Variants in TMEM117 observed in about 807,000 individuals in gnomAD.
TMEM117 encodes transmembrane protein 117.
A neutral mutation model predicts 52.4 loss-of-function variants in TMEM117; 27 were observed. The observed-to-expected ratio is 0.51, with a 90% CI of 0.38 to 0.71. The LOEUF (loss-of-function observed/expected upper bound fraction) is 0.71, where lower values mean the gene tolerates loss of function less well. Among genes scored for constraint, TMEM117 ranks in the 30% least tolerant of loss-of-function variants. The pLI is 0.00. For missense variants in TMEM117, 556 were observed against 630.5 expected, an observed-to-expected ratio of 0.88 and a Z score of 1.26; for synonymous variants, 215 against 206.3, an observed-to-expected ratio of 1.04 and a Z score of -0.36.
chr12:44,083,457 A>C (rs887315910), intron 3 of TMEM117: 1 of 137,800 alleles, frequency 7.3e-6, no homozygotes, highest in South Asian at 2.3e-4. Flanking sequence ...ACTGGAGTGC[A>C]GTAGTGGGAT....
At chr12:43,918,994 T>G (rs1017310346) in intron 2 of TMEM117, among the ~76,000 whole-genome samples, 3 of 152,212 alleles carry the variant, frequency 2.0e-5, no homozygotes, top group Non-Finnish European at 4.4e-5. Context: ...ATTTCCAGTT[T>G]CCTGCAAGTA....
chr12:44,154,362 G>A (rs1948796710), intron 4 of TMEM117, among the ~76,000 whole-genome samples: 1 of 152,070 alleles, frequency 6.6e-6, no homozygotes, highest in African/African-American at 2.4e-5. Context: ...ATTCCAAATT[G>A]TTCTTGACTA....
At chr12:44,100,939 A>G (rs1947850809) in intron 3 of TMEM117, among the ~76,000 whole-genome samples, 1 of 151,954 alleles carries the variant, frequency 6.6e-6, no homozygotes, top group African/African-American at 2.4e-5. Flanking sequence ...GGTGGATTAT[A>G]AACAATAGAA....
intron 6 of TMEM117, among the ~76,000 whole-genome samples, chr12:44,365,711 GA>G (rs752762662): frequency 2.0e-5 from 3 of 151,938 alleles, no homozygotes; most frequent in East Asian, 3.9e-4. Context: ...AGTCTGAATT[GA>G]ATATGAAAAT....
In TMEM117 at chr12:43,974,708, A is replaced by G. The variant is rs186875662; in HGVS notation, c.410+30366A>G. On this transcript the variant is annotated intron_variant, in intron 3 of 7. Coordinates refer to ENST00000266534, the MANE Select transcript of TMEM117 (RefSeq NM_032256.3). ...ATTTTTGATGTCTGTTATTCCAGTTATCATGTATTTAATATAATTTCCTCA... is the reference window on the plus strand; with the variant it reads ...ATTTTTGATGTCTGTTATTCCAGTTGTCATGTATTTAATATAATTTCCTCA... Among the ~76,000 whole-genome samples the G allele has an allele frequency of 2.6e-5, 4 of 152,246 alleles. No individual in the cohort carries two copies. In the East Asian group the frequency reaches 5.8e-4, roughly 22 times the overall value.
chr12:44,049,850 C>T (rs992540679), intron 3 of TMEM117, among the ~76,000 whole-genome samples: 4 of 152,038 alleles, frequency 2.6e-5, no homozygotes, highest in African/African-American at 7.2e-5. Flanking sequence ...GAGAATGGCC[C>T]GAGGAATTAA....
intron 3 of TMEM117, among the ~76,000 whole-genome samples, chr12:43,977,085 T>TA (rs1446585607): frequency 6.6e-6 from 1 of 152,234 alleles, no homozygotes; most frequent in South Asian, 2.1e-4. Context: ...ATGAGCCTAA[T>TA]AGAGTGTAGC....
chr12:44,355,993 C>T (rs888004720), intron 6 of TMEM117, among the ~76,000 whole-genome samples: 16 of 151,662 alleles, frequency 1.1e-4, no homozygotes, highest in Non-Finnish European at 2.1e-4. Flanking sequence ...TTGTCTTCTG[C>T]AGTAGATATC....
At position 44,111,729 on chromosome 12, in the gene TMEM117, G is replaced by T. The variant is rs958367253; in HGVS notation, c.411-31796G>T. Among the ~76,000 whole-genome samples, 3 of 142,256 alleles carry T rather than the reference G, an allele frequency of 2.1e-5. 1 individual carries two copies. Among genetic ancestry groups the T allele is most frequent in the African/African-American group, 8.7e-5 (3 of 34,336 alleles). The allele number at this position is 142,256 out of a possible 152,430, so 93.3% of individuals were successfully genotyped here. On this transcript the variant is annotated intron_variant, in intron 3 of 7. Coordinates refer to ENST00000266534, the MANE Select transcript of TMEM117 (RefSeq NM_032256.3). ...CTGTAGATGTCTATTAGGTCCGCTT[G>T]GTGCAGAGCTGAGTTCAATTCCTGG...
At chr12:43,970,808 A>G (rs1945571599) in intron 3 of TMEM117, among the ~76,000 whole-genome samples, 1 of 151,230 alleles carries the variant, frequency 6.6e-6, no homozygotes, top group African/African-American at 2.4e-5. Context: ...TTGTTTTCTT[A>G]CTCTAGTTAG....
At chr12:44,012,361 C>T (rs542504866) in intron 3 of TMEM117, among the ~76,000 whole-genome samples, 2 of 150,006 alleles carry the variant, frequency 1.3e-5, no homozygotes, top group Admixed American at 6.6e-5. Context: ...GAAAAATTCT[C>T]AGTCATTGTT....
chr12:44,066,097 C>T (rs767887357), intron 3 of TMEM117, among the ~76,000 whole-genome samples: 1 of 152,058 alleles, frequency 6.6e-6, no homozygotes, highest in Non-Finnish European at 1.5e-5. Context: ...AGAAACAGTG[C>T]CTTATTTGAT....
intron 3 of TMEM117, among the ~76,000 whole-genome samples, chr12:44,034,014 T>C (rs970968930): frequency 3.3e-5 from 5 of 152,218 alleles, no homozygotes; most frequent in Non-Finnish European, 7.3e-5. Context: ...GCAAAGATCA[T>C]GTATATCATT....
chr12:44,221,513 G>C (rs1042311909), intron 5 of TMEM117, among the ~76,000 whole-genome samples: 1 of 152,130 alleles, frequency 6.6e-6, no homozygotes, highest in African/African-American at 2.4e-5. Flanking sequence ...GTGATCTGTA[G>C]TTGATCATGT....
Position 44,255,284 on chromosome 12 carries a change from AG to A in TMEM117, c.608+43898del, listed in dbSNP as rs535483622. ...GTTTACAGTCTCAAACAAATTTACA[AG>A]AAAAAAACAAACAACCCCATCAAAA... is the stretch of plus-strand genomic sequence containing the variant. On this transcript the variant is annotated intron_variant, in intron 5 of 7. Transcript: ENST00000266534. Among the ~76,000 whole-genome samples, 9 of 152,288 alleles carry A rather than the reference AG, an allele frequency of 5.9e-5. No individual in the cohort carries two copies. In the South Asian group the frequency reaches 1.4e-3, roughly 25 times the overall value.
At chr12:43,927,455 T>A (rs2137570974) in intron 2 of TMEM117, among the ~76,000 whole-genome samples, 1 of 151,634 alleles carries the variant, frequency 6.6e-6, no homozygotes, top group Non-Finnish European at 1.5e-5. Flanking sequence ...TTTTGGTTTT[T>A]TTTTTGGTTT....
intron 6 of TMEM117, among the ~76,000 whole-genome samples, chr12:44,319,238 G>T (rs981981163): frequency 6.6e-6 from 1 of 152,192 alleles, no homozygotes; most frequent in African/African-American, 2.4e-5. Context: ...ATTAAAAATG[G>T]CATCCTGCTC....
At chr12:43,800,422 A>G in the TMEM117 span, 3 of 1,597,082 alleles carry the variant, frequency 1.9e-6, no homozygotes, top group Non-Finnish European at 8.6e-7. Flanking sequence ...GAATCCACAT[A>G]CAAACATAAT....
rs1008602863 is a variant in TMEM117, at chr12:44,121,814, G to A, written c.411-21711G>A. On this transcript the variant is annotated intron_variant, in intron 3 of 7. Coordinates refer to ENST00000266534, the MANE Select transcript of TMEM117 (RefSeq NM_032256.3). ...GGTTATTTTATCACCCAGGTAATAA[G>A]CATAGTACCCGATAGTAATTTTTTT... Among the ~76,000 whole-genome samples, 5 of 152,044 alleles carry A rather than the reference G, an allele frequency of 3.3e-5. No individual in the cohort carries two copies. In the South Asian group the frequency reaches 6.2e-4, roughly 19 times the overall value.
Sources: gnomAD v4.1 joint callset for allele counts (sites outside exome capture counted in the v4.1 genomes callset) on GRCh38, gnomAD v4.1.1 for gene constraint, MANE v1.5 for transcripts, NCBI Gene and HGNC (gene_info 2026-07-23, HGNC 2026-07-21) for gene names.